Variants in ROR2 observed in about 807,000 individuals in gnomAD.
ROR2 encodes the protein ROR family WNT receptor 2.
A neutral mutation model predicts 74.9 loss-of-function variants in ROR2; 33 were observed. The ratio of observed to expected loss-of-function variants is 0.44; its 90% CI spans 0.33 to 0.59. The LOEUF (loss-of-function observed/expected upper bound fraction) is 0.59, where lower values mean the gene tolerates loss of function less well. ROR2 is among the 20% of genes least tolerant of loss of function. The pLI is 0.02. For synonymous variants in ROR2, 586 were observed against 558.7 expected, an observed-to-expected ratio of 1.05 and a Z score of -0.69; for missense variants, 1,216 against 1,313.8, an observed-to-expected ratio of 0.93 and a Z score of 1.15.
intron 4 of ROR2, among the ~76,000 whole-genome samples, chr9:91,747,370 C>A (rs1317966735): frequency 6.6e-6 from 1 of 152,252 alleles, no homozygotes; most frequent in Non-Finnish European, 1.5e-5. Context: ...ACAGCGCTCA[C>A]GCGTGTGGAC....
intron 1 of ROR2, among the ~76,000 whole-genome samples, chr9:91,779,499 T>C (rs1826541642): frequency 6.6e-6 from 1 of 151,790 alleles, no homozygotes; most frequent in African/African-American, 2.4e-5. Flanking sequence ...GCCTCCCAAG[T>C]AGCTAGGACT....
chr9:91,944,175 C>T (rs1831951340), intron 1 of ROR2, among the ~76,000 whole-genome samples: 1 of 152,152 alleles, frequency 6.6e-6, no homozygotes, highest in African/African-American at 2.4e-5. Context: ...TAGGCTACAA[C>T]AAACCTATAC....
At chr9:91,835,593 C>T (rs369925881) in intron 1 of ROR2, among the ~76,000 whole-genome samples, 3 of 152,184 alleles carry the variant, frequency 2.0e-5, no homozygotes, top group African/African-American at 4.8e-5. Context: ...GTAAGGCTAC[C>T]GACTCATCGC....
chr9:91,732,493 C>G (rs375249514), intron 6 of ROR2, among the ~76,000 whole-genome samples: 1 of 152,182 alleles, frequency 6.6e-6, no homozygotes, highest in Non-Finnish European at 1.5e-5. Context: ...TTAGGCCCCA[C>G]GATTCAGGGA....
intron 1 of ROR2, among the ~76,000 whole-genome samples, chr9:91,893,142 C>G (rs1830463522): frequency 6.6e-6 from 1 of 152,172 alleles, no homozygotes; most frequent in Non-Finnish European, 1.5e-5. Context: ...CTGGAAGATA[C>G]AGGACACCTC....
rs1355249519 is a variant in ROR2, at chr9:91,806,271, T to C, written c.98-30453A>G. Among the ~76,000 whole-genome samples, 4 of 152,314 alleles carry C rather than the reference T, an allele frequency of 2.6e-5. No individual in the cohort carries two copies. The South Asian group carries it at 6.2e-4, about 24-fold the overall frequency. On this transcript the variant is annotated intron_variant, in intron 1 of 8. Transcript: ENST00000375708. ...CAACATCAAGGCACTGGTGAATTCA[T>C]GTCTGATGAGGGTCCACTTCTTGGT...
At chr9:91,817,461 G>A (rs532375740) in intron 1 of ROR2, among the ~76,000 whole-genome samples, 17 of 152,304 alleles carry the variant, frequency 1.1e-4, no homozygotes, top group South Asian at 4.1e-4. Context: ...GAAGGGGTTC[G>A]GCTTGGACAG....
At chr9:91,783,019 G>A (rs1352024959) in intron 1 of ROR2, among the ~76,000 whole-genome samples, 1 of 152,152 alleles carries the variant, frequency 6.6e-6, no homozygotes, top group African/African-American at 2.4e-5. Context: ...GTGTCAGTAG[G>A]GCAGGTTCCT....
intron 7 of ROR2, among the ~76,000 whole-genome samples, chr9:91,729,897 C>T (rs1837173772): frequency 6.6e-6 from 1 of 152,204 alleles, no homozygotes; most frequent in South Asian, 2.1e-4. Flanking sequence ...AGCTCAAAAG[C>T]TGGTGGGTGG....
At position 91,825,035 on chromosome 9, in the gene ROR2, A is replaced by G. The variant is rs1828242430; in HGVS notation, c.98-49217T>C. Among the ~76,000 whole-genome samples, 3 of 152,342 alleles carry G rather than the reference A, an allele frequency of 2.0e-5. No homozygotes were observed. The South Asian group carries it at 6.2e-4, about 32-fold the overall frequency. On this transcript the variant is annotated intron_variant, in intron 1 of 8. Transcript: ENST00000375708. ...GACAGGCCACAGGGCTGGGCTGTCA[A>G]TGTTTCTTTGTGGCCTTAAGTAAGC...
chr9:91,730,706 G>A (rs1355949311), intron 7 of ROR2, among the ~76,000 whole-genome samples: 4 of 151,968 alleles, frequency 2.6e-5, no homozygotes, highest in South Asian at 2.1e-4. Flanking sequence ...TGCCCACCTC[G>A]GCCTCCCAAA....
chr9:91,803,379 T>C (rs1827451319), intron 1 of ROR2, among the ~76,000 whole-genome samples: 1 of 152,110 alleles, frequency 6.6e-6, no homozygotes, highest in South Asian at 2.1e-4. Flanking sequence ...GAAAACAGAA[T>C]GGAGGCTGCC....
intron 2 of ROR2, among the ~76,000 whole-genome samples, chr9:91,762,343 A>G (rs1192537222): frequency 4.6e-5 from 7 of 152,228 alleles, no homozygotes; most frequent in Non-Finnish European, 7.3e-5. Flanking sequence ...ACAGTTTCTG[A>G]GTTGATTGCC....
chr9:91,852,646 CACA>C lies in ROR2; in HGVS notation c.98-76831_98-76829del, dbSNP rs754228260. Among the ~76,000 whole-genome samples the C allele has an allele frequency of 4.5e-3, 680 of 151,022 alleles. 7 individuals carry two copies. Among genetic ancestry groups the C allele is most frequent in the African/African-American group, 0.016 (648 of 40,578 alleles). On this transcript the variant is annotated intron_variant, in intron 1 of 8. Coordinates refer to ENST00000375708, the MANE Select transcript of ROR2 (RefSeq NM_004560.4). ...ACAAACACACACACACACACACACACACACCCACACACACAATGTAAGTCCATA... is the reference window on the plus strand; with the variant it reads ...ACAAACACACACACACACACACACACCCCACACACACAATGTAAGTCCATA...
intron 1 of ROR2, among the ~76,000 whole-genome samples, chr9:91,903,461 C>T (rs1330008150): frequency 6.6e-6 from 1 of 152,020 alleles, no homozygotes; most frequent in Non-Finnish European, 1.5e-5. Context: ...CCCAAGAAGT[C>T]GATTCGTTGT....
intron 1 of ROR2, among the ~76,000 whole-genome samples, chr9:91,864,226 G>C (rs1023446818): frequency 7.9e-5 from 12 of 152,306 alleles, no homozygotes; most frequent in African/African-American, 2.9e-4. Context: ...TAGATTATGT[G>C]AATTACTGGA....
intron 1 of ROR2, among the ~76,000 whole-genome samples, chr9:91,793,177 A>C (rs1827058136): frequency 6.6e-6 from 1 of 152,192 alleles, no homozygotes; most frequent in Admixed American, 6.5e-5. Context: ...GCAAACAGAC[A>C]AGCACATCTT....
chr9:91,949,749 C>T (rs1189941822), intron 1 of ROR2, 118 bp downstream of exon 1: 5 of 716,178 alleles, frequency 7.0e-6, no homozygotes, highest in Non-Finnish European at 1.2e-5. Context: ...CTGCCTGGCG[C>T]CCCTCGTTCA....
chr9:91,784,446 A>G (rs962033837), intron 1 of ROR2, among the ~76,000 whole-genome samples: 3 of 152,212 alleles, frequency 2.0e-5, no homozygotes, highest in Admixed American at 6.5e-5. Flanking sequence ...GGTGGGGTGC[A>G]GGAAGCCAGA....
Sources: allele counts gnomAD v4.1 joint callset (sites outside exome capture counted in the v4.1 genomes callset), GRCh38; gene constraint gnomAD v4.1.1; transcripts MANE v1.5; gene names NCBI Gene and HGNC (gene_info 2026-07-23, HGNC 2026-07-21).